The following MYO5A variants were observed in gnomAD, a reference collection of about 807,000 sequenced individuals.
MYO5A encodes the protein myosin VA.
A neutral mutation model predicts 249.7 loss-of-function variants in MYO5A; 98 were observed. The observed-to-expected ratio is 0.39, with a 90% CI of 0.33 to 0.46. MYO5A has a LOEUF of 0.46. Ranked by LOEUF, MYO5A falls within the 20% of genes least tolerant of loss-of-function variation. The pLI is 0.98. For missense variants in MYO5A, 1,696 were observed against 2,308.8 expected (o/e 0.73, Z 5.44); for synonymous variants, 778 against 810.6 (o/e 0.96, Z 0.68).
chr15:52,510,619 A>G (rs2077370721), intron 1 of MYO5A, among the ~76,000 whole-genome samples: 1 of 152,184 alleles, frequency 6.6e-6, no homozygotes, highest in Non-Finnish European at 1.5e-5. Flanking sequence ...CATGAACCCT[A>G]TTATGAACTG....
At chr15:52,435,575 C>A (rs555884978) in intron 1 of MYO5A, 1 of 443,902 alleles carries the variant, frequency 2.3e-6, no homozygotes, top group Non-Finnish European at 4.5e-6. Flanking sequence ...CCATGCCCAG[C>A]CTATGTTAAC....
intron 9 of MYO5A, among the ~76,000 whole-genome samples, chr15:52,405,044 C>G (rs2042937897): frequency 2.1e-5 from 2 of 93,686 alleles, no homozygotes; most frequent in South Asian, 6.9e-4. Context: ...CTTTCTCTCT[C>G]TCTCTGTCAC....
chr15:52,478,190 T>C (rs372457033), intron 1 of MYO5A, among the ~76,000 whole-genome samples: 5 of 152,222 alleles, frequency 3.3e-5, no homozygotes, highest in African/African-American at 9.6e-5. Context: ...CAAGGCTCTA[T>C]GGGTGTGGGA....
At chr15:52,391,786 C>T (rs1415008386) in intron 12 of MYO5A, 144 bp downstream of exon 12, 1 of 769,042 alleles carries the variant, frequency 1.3e-6, no homozygotes, top group Non-Finnish European at 2.2e-6. Flanking sequence ...GGTCTAGTGT[C>T]CCTTTGGAAT....
At chr15:52,431,181 G>A (rs1238235058) in intron 2 of MYO5A, among the ~76,000 whole-genome samples, 1 of 116,666 alleles carries the variant, frequency 8.6e-6, no homozygotes, top group African/African-American at 3.2e-5. Flanking sequence ...GCAGTGAGCC[G>A]AGATTGCACC....
intron 11 of MYO5A, among the ~76,000 whole-genome samples, chr15:52,395,757 T>TA (rs1351443322): frequency 6.6e-6 from 1 of 152,140 alleles, no homozygotes; most frequent in Non-Finnish European, 1.5e-5. Context: ...CCTTCACTAT[T>TA]ACAATCTGCT....
intron 1 of MYO5A, among the ~76,000 whole-genome samples, chr15:52,455,537 G>T (rs1371847910): frequency 2.0e-5 from 3 of 152,040 alleles, no homozygotes; most frequent in Non-Finnish European, 4.4e-5. Flanking sequence ...TATCACTGAT[G>T]AATACAGATG....
chr15:52,405,876 GATAC>G (rs2042982836), intron 8 of MYO5A, among the ~76,000 whole-genome samples: 1 of 152,216 alleles, frequency 6.6e-6, no homozygotes, highest in Non-Finnish European at 1.5e-5. Flanking sequence ...CTCTGCTCCA[GATAC>G]AGCCCAATAA....
chr15:52,415,983 T>C, intron 5 of MYO5A, 162 bp downstream of exon 5: 1 of 861,040 alleles, frequency 1.2e-6, no homozygotes, highest in Non-Finnish European at 1.8e-6. Context: ...CTTACCAAGT[T>C]TTTACTTTCC....
chr15:52,394,786 A>T (rs576622356), intron 11 of MYO5A, among the ~76,000 whole-genome samples: 1 of 152,240 alleles, frequency 6.6e-6, no homozygotes, highest in East Asian at 1.9e-4. Flanking sequence ...AAAGAGTGAA[A>T]GGCTGTGGCA....
Position 52,353,959 on chromosome 15 carries a change from T to C in MYO5A, c.3479A>G (p.Lys1160Arg). The C allele has an allele frequency of 1.2e-6, 2 of 1,614,220 alleles. No homozygotes were observed. The highest frequency in any genetic ancestry group is 1.7e-6 in the Non-Finnish European group (2 of 1,180,044). The change falls in exon 26 of 42, where the codon AAG (lysine) becomes AGG (arginine). Residue 1160 changes from lysine to arginine, a missense_variant. By Grantham distance (26) the Lys-to-Arg change is conservative. Transcript: ENST00000399233. ...CTCCTGCTCCAGCTCTGTGACCCGC[T>C]TCTGGAGCTTAAGGAACAATGACAT... ...LDMSLFLKLQ[K>R]RVTELEQEKQ...
chr15:52,427,087 T>C (rs373501626), intron 3 of MYO5A, among the ~76,000 whole-genome samples: 2 of 152,242 alleles, frequency 1.3e-5, no homozygotes, highest in South Asian at 4.1e-4. Flanking sequence ...AGGATGTAAA[T>C]CAATATTAAT....
chr15:52,364,748 A>T, intron 23 of MYO5A, 46 bp from the exon 24 acceptor site: 1 of 1,603,242 alleles, frequency 6.2e-7, no homozygotes, highest in Non-Finnish European at 8.5e-7. Context: ...GCCCCTTGAG[A>T]ATGCAATTGT....
chr15:52,404,043 A>C (rs28415472), intron 9 of MYO5A, among the ~76,000 whole-genome samples: 10,381 of 152,156 alleles, frequency 0.068, 1,062 homozygotes, highest in African/African-American at 0.23. Flanking sequence ...AGGTGGGCGG[A>C]TCATCTGAGG....
intron 18 of MYO5A, among the ~76,000 whole-genome samples, chr15:52,377,685 C>T (rs1240990845): frequency 1.3e-5 from 2 of 151,808 alleles, no homozygotes; most frequent in African/African-American, 4.8e-5. Flanking sequence ...ACACTCCTGC[C>T]TCAGCCCCCT....
intron 1 of MYO5A, among the ~76,000 whole-genome samples, chr15:52,517,171 C>T (rs2077512713): frequency 6.6e-6 from 1 of 152,172 alleles, no homozygotes; most frequent in Admixed American, 6.5e-5. Flanking sequence ...ATAAAGAGTG[C>T]TATTTTTAAA....
intron 4 of MYO5A, among the ~76,000 whole-genome samples, chr15:52,424,159 T>C (rs1383062185): frequency 6.6e-6 from 1 of 152,212 alleles, no homozygotes; most frequent in Non-Finnish European, 1.5e-5. Context: ...ATCATACCAA[T>C]AGATGGAATT....
intron 1 of MYO5A, among the ~76,000 whole-genome samples, chr15:52,470,745 G>A (rs1192918448): frequency 4.0e-5 from 6 of 150,906 alleles, no homozygotes; most frequent in South Asian, 2.1e-4. Flanking sequence ...GTTCTTGGCC[G>A]GGCACAGTGG....
At chr15:52,485,416 G>A (rs145426805) in intron 1 of MYO5A, among the ~76,000 whole-genome samples, 262 of 152,160 alleles carry the variant, frequency 1.7e-3, no homozygotes, top group African/African-American at 5.3e-3. Flanking sequence ...CAAGTTTTCC[G>A]TCACATGAGT....
Sources: allele counts gnomAD v4.1 joint callset (sites outside exome capture counted in the v4.1 genomes callset), GRCh38; gene constraint gnomAD v4.1.1; transcripts MANE v1.5; gene names NCBI Gene and HGNC (gene_info 2026-07-23, HGNC 2026-07-21).